The following ZNF664 variants were observed in gnomAD, a reference collection of about 807,000 sequenced individuals.
ZNF664 encodes zinc finger Organ of Corti 1.
Under a neutral mutation model 18.2 loss-of-function variants are expected in ZNF664, and 10 were observed. That is an observed-to-expected ratio of 0.55 (90% confidence interval 0.34 to 0.93). The LOEUF (loss-of-function observed/expected upper bound fraction) is 0.93, where lower values mean the gene tolerates loss of function less well. Among genes scored for constraint, ZNF664 ranks in the 40% least tolerant of loss-of-function variants. The probability of loss-of-function intolerance (pLI) is 0.02; values close to 1 mark genes in which losing one functional copy is unlikely to be tolerated. For synonymous variants in ZNF664, 119 were observed against 104.2 expected (o/e 1.14, Z -0.86); for missense variants, 193 against 319.0 (o/e 0.61, Z 3.01).
chr12:123,988,240 T>A, intron 3 of ZNF664, 102 bp downstream of exon 3: 2 of 1,100,824 alleles, frequency 1.8e-6, no homozygotes, highest in Non-Finnish European at 2.3e-6. Context: ...CATGTGCCCT[T>A]TGGGCTCAGT....
At chr12:123,984,977 G>A (rs1410091177) in intron 2 of ZNF664, among the ~76,000 whole-genome samples, 1 of 152,112 alleles carries the variant, frequency 6.6e-6, no homozygotes, top group East Asian at 1.9e-4. Context: ...GGAACTGGGA[G>A]CCGAGGAGAC....
At position 124,013,908 on chromosome 12, in the gene ZNF664, T is replaced by C. The variant is rs1204569629; in HGVS notation, c.*978T>C. On this transcript the variant is annotated 3_prime_UTR_variant, in exon 5 of 5. Transcript: ENST00000337815. The stretch of plus-strand genomic sequence containing the variant: ...TTCTTGATACCCCTTCATTGATTAC[T>C]GTGTATCAGTTCTTTGTTAGGCATG... 6.0e-6 allele frequency: 1 copy of C among 167,136 alleles called. No homozygotes were observed. The highest frequency in any genetic ancestry group is 1.5e-5 in the Non-Finnish European group (1 of 68,140). The allele number at this position is 167,136 out of a possible 1,614,324, so 10.4% of individuals were successfully genotyped here.
intron 3 of ZNF664, among the ~76,000 whole-genome samples, chr12:124,005,552 T>C (rs146381614): frequency 0.013 from 1,982 of 150,930 alleles, 25 homozygotes; most frequent in South Asian, 0.024. Flanking sequence ...GTCTGTATTA[T>C]CCTCATTATA....
intron 3 of ZNF664, among the ~76,000 whole-genome samples, chr12:124,010,908 C>T (rs570141128): frequency 6.6e-6 from 1 of 152,224 alleles, no homozygotes; most frequent in Admixed American, 6.5e-5. Context: ...TACAAAGGCC[C>T]TGAGGCAGGA....
intron 2 of ZNF664, 85 bp from the exon 3 acceptor site, chr12:123,987,958 A>ATAG: frequency 7.3e-6 from 9 of 1,228,678 alleles, no homozygotes; most frequent in Non-Finnish European, 9.1e-6. Context: ...CCCCACGTTT[A>ATAG]TAGTAGCTAG....
At chr12:123,987,242 A>C (rs747025699) in intron 2 of ZNF664, among the ~76,000 whole-genome samples, 1 of 152,224 alleles carries the variant, frequency 6.6e-6, no homozygotes, top group Non-Finnish European at 1.5e-5. Context: ...TGTCCCATCC[A>C]CATGTAGATA....
intron 3 of ZNF664, among the ~76,000 whole-genome samples, chr12:124,009,354 T>C (rs1957108873): frequency 6.6e-6 from 1 of 152,192 alleles, no homozygotes; most frequent in Admixed American, 6.5e-5. Flanking sequence ...TTTAATTTTA[T>C]TTTTTAACTA....
intron 1 of ZNF664, chr12:123,973,658 G>A: frequency 1.5e-6 from 1 of 645,960 alleles, no homozygotes; most frequent in Non-Finnish European, 2.0e-6. Flanking sequence ...TGGGCAGCGG[G>A]CAGGGCGAGG....
rs1957082794 is a variant in ZNF664, at chr12:124,007,195, T to TA, written c.-660-4185dup. Among the ~76,000 whole-genome samples, 4 of 152,312 alleles carry TA rather than the reference T, an allele frequency of 2.6e-5. No homozygotes were observed. The South Asian group carries it at 8.3e-4, about 32-fold the overall frequency. On this transcript the variant is annotated intron_variant, in intron 3 of 4. Transcript: ENST00000337815. Reference sequence around the variant, plus strand: ...CATCCCCCCACCGTGCAGTGAGACTTACAGACAGGTCTGAGAATTTTATCT... The same window carrying TA: ...CATCCCCCCACCGTGCAGTGAGACTTAACAGACAGGTCTGAGAATTTTATCT...
chr12:123,997,114 A>G (rs1956959226), intron 3 of ZNF664, among the ~76,000 whole-genome samples: 1 of 152,206 alleles, frequency 6.6e-6, no homozygotes, highest in Middle Eastern at 3.2e-3. Context: ...TTTAAGTGAA[A>G]TCTGCAACTT....
intron 2 of ZNF664, among the ~76,000 whole-genome samples, chr12:123,980,901 A>G (rs960696294): frequency 6.6e-6 from 1 of 152,228 alleles, no homozygotes; most frequent in African/African-American, 2.4e-5. Flanking sequence ...TATCTGGGAC[A>G]TGATAGCTAC....
At chr12:124,008,182 T>C (rs1450150083) in intron 3 of ZNF664, among the ~76,000 whole-genome samples, 1 of 152,216 alleles carries the variant, frequency 6.6e-6, no homozygotes, top group Non-Finnish European at 1.5e-5. Flanking sequence ...GCAGTTGTGC[T>C]GTAGAGTGGC....
At chr12:123,974,670 C>T (rs1956663002) in intron 2 of ZNF664, 1 of 152,208 alleles carries the variant, frequency 6.6e-6, no homozygotes, top group Non-Finnish European at 1.5e-5. Flanking sequence ...GGTGTTTATC[C>T]TTCTAGATCT....
intron 3 of ZNF664, among the ~76,000 whole-genome samples, chr12:124,005,713 T>TC (rs1396315971): frequency 1.3e-5 from 2 of 152,136 alleles, no homozygotes. Flanking sequence ...CCATCTCACA[T>TC]CCCCCGTCTT....
intron 2 of ZNF664, among the ~76,000 whole-genome samples, chr12:123,980,203 G>A (rs963752834): frequency 2.6e-5 from 4 of 152,044 alleles, no homozygotes; most frequent in Non-Finnish European, 5.9e-5. Flanking sequence ...TTACTTCATG[G>A]GAAAAGCCTA....
chr12:123,994,708 A>G (rs955313654), intron 3 of ZNF664, among the ~76,000 whole-genome samples: 9 of 152,220 alleles, frequency 5.9e-5, no homozygotes, highest in African/African-American at 2.2e-4. Flanking sequence ...GTAGATGCCT[A>G]CGGGTTAGTT....
chr12:123,991,817 G>A (rs1266784928), intron 3 of ZNF664, among the ~76,000 whole-genome samples: 1 of 152,168 alleles, frequency 6.6e-6, no homozygotes, highest in Non-Finnish European at 1.5e-5. Flanking sequence ...GATAACACAT[G>A]CACTTATCCT....
intron 3 of ZNF664, among the ~76,000 whole-genome samples, chr12:124,008,003 G>A (rs534467427): frequency 3.9e-5 from 6 of 152,220 alleles, no homozygotes; most frequent in South Asian, 2.1e-4. Flanking sequence ...CTCATACCCC[G>A]AATCACATTT....
intron 3 of ZNF664, among the ~76,000 whole-genome samples, chr12:123,994,468 CATTT>C (rs1243596375): frequency 1.3e-5 from 2 of 152,098 alleles, no homozygotes; most frequent in Non-Finnish European, 2.9e-5. Context: ...TGAAACAAAA[CATTT>C]AGTAGGAAGA....
Sources: gnomAD v4.1 joint callset for allele counts (sites outside exome capture counted in the v4.1 genomes callset) on GRCh38, gnomAD v4.1.1 for gene constraint, MANE v1.5 for transcripts, NCBI Gene and HGNC (gene_info 2026-07-23, HGNC 2026-07-21) for gene names.